FOXO1: variants seen among roughly 807,000 people sequenced by gnomAD.
The protein encoded by FOXO1 is forkhead box protein O1.
Under a neutral mutation model 44.1 loss-of-function variants are expected in FOXO1, and 6 were observed. The observed-to-expected ratio is 0.14, with a 90% confidence interval of 0.07 to 0.27. The LOEUF is 0.27. Among genes scored for constraint, FOXO1 ranks in the 10% least tolerant of loss-of-function variants. The probability of loss-of-function intolerance (pLI) is 1.00; values close to 1 mark genes in which losing one functional copy is unlikely to be tolerated. For missense variants in FOXO1, 737 were observed against 888.8 expected, an observed-to-expected ratio of 0.83 and a Z score of 2.17; for synonymous variants, 380 against 362.7, an observed-to-expected ratio of 1.05 and a Z score of -0.54.
At chr13:40,591,714 T>G (rs1361396249) in intron 1 of FOXO1, among the ~76,000 whole-genome samples, 1 of 152,218 alleles carries the variant, frequency 6.6e-6, no homozygotes, top group Non-Finnish European at 1.5e-5. Flanking sequence ...AATATATATA[T>G]TTTTTGAGAC....
At chr13:40,629,727 T>A (rs1284754408) in intron 1 of FOXO1, among the ~76,000 whole-genome samples, 1 of 152,230 alleles carries the variant, frequency 6.6e-6, no homozygotes, top group Non-Finnish European at 1.5e-5. Flanking sequence ...ATATTCAACC[T>A]GCATATGGAC....
intron 1 of FOXO1, among the ~76,000 whole-genome samples, chr13:40,646,162 A>G (rs1249857400): frequency 6.6e-6 from 1 of 152,150 alleles, no homozygotes; most frequent in Non-Finnish European, 1.5e-5. Context: ...TAATTAGTCT[A>G]TGATGGATAT....
chr13:40,663,576 T>C (rs912992080), intron 1 of FOXO1, among the ~76,000 whole-genome samples: 4 of 152,190 alleles, frequency 2.6e-5, no homozygotes, highest in African/African-American at 7.2e-5. Flanking sequence ...GTGGAATTGA[T>C]AGATGAGCAA....
intron 1 of FOXO1, among the ~76,000 whole-genome samples, chr13:40,634,206 G>A (rs905770951): frequency 8.5e-5 from 13 of 152,074 alleles, no homozygotes; most frequent in Non-Finnish European, 1.2e-4. Flanking sequence ...AACTGCCCAC[G>A]ACAAATTCCC....
intron 1 of FOXO1, among the ~76,000 whole-genome samples, chr13:40,624,253 G>A (rs1329827309): frequency 6.9e-6 from 1 of 144,426 alleles, no homozygotes. Flanking sequence ...CTCATAGCCT[G>A]ATAGTACCAC....
At chr13:40,651,853 A>T (rs1797864571) in intron 1 of FOXO1, among the ~76,000 whole-genome samples, 2 of 152,152 alleles carry the variant, frequency 1.3e-5, no homozygotes, top group African/African-American at 4.8e-5. Flanking sequence ...GAATCTTTCA[A>T]ATTCAACGTA....
intron 1 of FOXO1, among the ~76,000 whole-genome samples, chr13:40,591,555 T>C (rs1875370294): frequency 6.6e-6 from 1 of 151,972 alleles, no homozygotes; most frequent in African/African-American, 2.4e-5. Context: ...CCAAGAGGGA[T>C]GATGGAAAGG....
chr13:40,585,347 A>G (rs867859588), intron 1 of FOXO1, among the ~76,000 whole-genome samples: 181 of 146,790 alleles, frequency 1.2e-3, no homozygotes, highest in African/African-American at 4.6e-3. Flanking sequence ...GCGCGCGCAC[A>G]CACACACACA....
At chr13:40,645,882 C>T (rs1877491940) in intron 1 of FOXO1, among the ~76,000 whole-genome samples, 1 of 152,034 alleles carries the variant, frequency 6.6e-6, no homozygotes, top group Admixed American at 6.6e-5. Context: ...GCCTGACAAA[C>T]ATGGAGAAAT....
intron 1 of FOXO1, among the ~76,000 whole-genome samples, chr13:40,655,838 T>C (rs1315220983): frequency 1.3e-5 from 2 of 151,960 alleles, no homozygotes; most frequent in African/African-American, 4.8e-5. Flanking sequence ...GAGATGGGAT[T>C]TCACTATATT....
chr13:40,576,723 T>C (rs1160830226), intron 1 of FOXO1, among the ~76,000 whole-genome samples: 4 of 152,224 alleles, frequency 2.6e-5, no homozygotes, highest in Non-Finnish European at 5.9e-5. Flanking sequence ...GTTTTCAAAC[T>C]TACGGCATAA....
intron 1 of FOXO1, among the ~76,000 whole-genome samples, chr13:40,566,396 A>T (rs865781902): frequency 5.1e-5 from 7 of 138,088 alleles, no homozygotes; most frequent in East Asian, 2.1e-4. Context: ...TTTTTTTTTT[A>T]AAGACAGAGT....
intron 1 of FOXO1, among the ~76,000 whole-genome samples, chr13:40,568,454 T>G (rs1251353348): frequency 6.6e-6 from 1 of 152,186 alleles, no homozygotes; most frequent in East Asian, 1.9e-4. Context: ...GAAAATCTAT[T>G]CAACAGAGTT....
chr13:40,655,932 C>G (rs192535103), intron 1 of FOXO1, among the ~76,000 whole-genome samples: 107 of 152,240 alleles, frequency 7.0e-4, no homozygotes, highest in African/African-American at 2.5e-3. Flanking sequence ...CCACCGCGCC[C>G]GGACAGCTCT....
intron 1 of FOXO1, among the ~76,000 whole-genome samples, chr13:40,572,580 A>G (rs545403534): frequency 1.3e-5 from 2 of 152,156 alleles, no homozygotes; most frequent in South Asian, 2.1e-4. Context: ...CTAATGCAAC[A>G]ACGACTCGAG....
intron 1 of FOXO1, among the ~76,000 whole-genome samples, chr13:40,564,253 T>G (rs903844578): frequency 6.6e-6 from 1 of 150,892 alleles, no homozygotes; most frequent in Non-Finnish European, 1.5e-5. Flanking sequence ...GTTCACTAAC[T>G]CAGGTGGGAC....
intron 1 of FOXO1, among the ~76,000 whole-genome samples, chr13:40,640,487 G>A (rs1399165239): frequency 1.3e-5 from 2 of 152,212 alleles, no homozygotes; most frequent in Non-Finnish European, 2.9e-5. Context: ...CCAGTTAGAA[G>A]GGCGGCTTTA....
intron 1 of FOXO1, among the ~76,000 whole-genome samples, chr13:40,635,422 T>C (rs959640185): frequency 1.3e-5 from 2 of 152,204 alleles, no homozygotes; most frequent in African/African-American, 4.8e-5. Flanking sequence ...TAAGGACTTT[T>C]AAGGACTTAA....
rs370137322 is a variant in FOXO1 at position 40,558,681 on chromosome 13, A to C, written c.*368T>G. ...AATTGGATATTTAGAAAAACCAAAAACACACACAAATACAATCTGTATCTA... is the reference window on the plus strand; with the variant it reads ...AATTGGATATTTAGAAAAACCAAAACCACACACAAATACAATCTGTATCTA... On this transcript the variant is annotated 3_prime_UTR_variant, in exon 3 of 3. Coordinates refer to ENST00000379561, the MANE Select transcript of FOXO1 (RefSeq NM_002015.4). The C allele has an allele frequency of 3.3e-5, 13 of 397,150 alleles. No homozygotes were observed. In the East Asian group the frequency reaches 3.9e-4, roughly 12 times the overall value. 24.6% of individuals were successfully genotyped at this position (397,150 alleles called of 1,614,324 possible).
Sources: allele counts gnomAD v4.1 joint callset (sites outside exome capture counted in the v4.1 genomes callset), GRCh38; gene constraint gnomAD v4.1.1; transcripts MANE v1.5; gene names NCBI Gene and HGNC (gene_info 2026-07-23, HGNC 2026-07-21).